Variants in CHEK2 observed in about 807,000 individuals in gnomAD.
CHEK2 encodes serine/threonine-protein kinase Chk2.
A neutral mutation model predicts 69.1 loss-of-function variants in CHEK2; 71 were observed. The ratio of observed to expected loss-of-function variants is 1.03; its 90% CI spans 0.85 to 1.25. The LOEUF (loss-of-function observed/expected upper bound fraction) is 1.25, where lower values mean the gene tolerates loss of function less well. Ranked by LOEUF, CHEK2 falls within the 50% of genes most tolerant of loss-of-function variation. The pLI is 0.00. For missense variants in CHEK2, 664 were observed against 649.6 expected (o/e 1.02, Z -0.24); for synonymous variants, 189 against 226.9 (o/e 0.83, Z 1.50).
intron 4 of CHEK2, among the ~76,000 whole-genome samples, chr22:28,721,336 G>C (rs1285072241): frequency 7.7e-6 from 1 of 130,356 alleles, no homozygotes; most frequent in Non-Finnish European, 1.5e-5. Context: ...CCCCAGGCTA[G>C]AGTGCAATGG....
At chr22:28,703,630 C>T in intron 7 of CHEK2, 64 bp from the exon 8 acceptor site, 1 of 1,002,120 alleles carries the variant, frequency 1.0e-6, no homozygotes, top group Non-Finnish European at 1.6e-6. Context: ...ACCACAAGAG[C>T]TTAGAACATC....
intron 1 of CHEK2, among the ~76,000 whole-genome samples, chr22:28,736,350 C>T (rs17878936): frequency 0.041 from 6,272 of 152,266 alleles, 151 homozygotes; most frequent in Middle Eastern, 0.065. Flanking sequence ...TAAAATGTCA[C>T]TGGTACCCCT....
chr22:28,727,111 G>C (rs965082136), intron 2 of CHEK2, among the ~76,000 whole-genome samples: 1 of 151,992 alleles, frequency 6.6e-6, no homozygotes, highest in Non-Finnish European at 1.5e-5. Flanking sequence ...GCGCGATCTC[G>C]GCTCACTGCA....
intron 7 of CHEK2, among the ~76,000 whole-genome samples, chr22:28,705,359 G>A (rs1471874295): frequency 1.3e-4 from 19 of 151,850 alleles, no homozygotes; most frequent in East Asian, 3.9e-4. Context: ...TTACAGGTGT[G>A]AGCCACTGCA....
At chr22:28,739,901 T>C (rs5762766) in intron 1 of CHEK2, among the ~76,000 whole-genome samples, 35,989 of 152,044 alleles carry the variant, frequency 0.24, 4,627 homozygotes, top group East Asian at 0.48. Flanking sequence ...GATGTTTGTC[T>C]AATTAATAAA....
intron 13 of CHEK2, among the ~76,000 whole-genome samples, chr22:28,690,191 T>A (rs1477291152): frequency 6.6e-6 from 1 of 152,178 alleles, no homozygotes; most frequent in Non-Finnish European, 1.5e-5. Context: ...TTGATGGATA[T>A]GGAAATTTTA....
chr22:28,738,118 G>A (rs935217724), intron 1 of CHEK2: 12 of 152,288 alleles, frequency 7.9e-5, no homozygotes, highest in African/African-American at 2.4e-4. Flanking sequence ...GAGGTGGGAG[G>A]ATCACTTGAG....
chr22:28,695,926 A>T, intron 10 of CHEK2, 53 bp from the exon 11 acceptor site: 1 of 1,437,196 alleles, frequency 7.0e-7, no homozygotes, highest in Non-Finnish European at 9.8e-7. Context: ...AAATAAAAAG[A>T]TTAACATAGT....
chr22:28,708,269 T>C (rs1042213965), intron 7 of CHEK2, among the ~76,000 whole-genome samples: 1 of 150,178 alleles, frequency 6.7e-6, no homozygotes, highest in Admixed American at 6.7e-5. Context: ...GAGGCAGGAG[T>C]ATCGCTTGGT....
intron 13 of CHEK2, among the ~76,000 whole-genome samples, chr22:28,692,208 A>G (rs1054660700): frequency 6.6e-6 from 1 of 152,218 alleles, no homozygotes; most frequent in African/African-American, 2.4e-5. Context: ...TTTTTGTTAG[A>G]GATGAACACA....
intron 4 of CHEK2, among the ~76,000 whole-genome samples, chr22:28,723,883 AG>A (rs2053893524): frequency 6.6e-6 from 1 of 151,972 alleles, no homozygotes; most frequent in African/African-American, 2.4e-5. Context: ...TGGGAGGCAG[AG>A]GTTGCAGTGC....
chr22:28,719,754 CACA>C (rs562540397), intron 4 of CHEK2, among the ~76,000 whole-genome samples: 36 of 152,268 alleles, frequency 2.4e-4, no homozygotes, highest in African/African-American at 7.5e-4. Context: ...AAATCCGTAA[CACA>C]ACATTATTTA....
rs1555915284 is a variant in CHEK2, at chr22:28,699,823, G to C, written c.1008+15C>G. 10 of 1,564,392 alleles carry C rather than the reference G, an allele frequency of 6.4e-6. No homozygotes were observed. The highest frequency in any genetic ancestry group is 8.8e-6 in the Non-Finnish European group (10 of 1,134,706). On this transcript the variant is annotated intron_variant, in intron 9 of 14. Coordinates refer to ENST00000404276, the MANE Select transcript of CHEK2 (RefSeq NM_007194.4). ...AAGAAAGGCAGCTGTCAAAAGAATTGAGGGCTTCTTTTACCTGCACAGCCA... is the reference window on the plus strand; with the variant it reads ...AAGAAAGGCAGCTGTCAAAAGAATTCAGGGCTTCTTTTACCTGCACAGCCA...
At chr22:28,716,283 G>A (rs757552653) in intron 5 of CHEK2, among the ~76,000 whole-genome samples, 2 of 148,658 alleles carry the variant, frequency 1.3e-5, no homozygotes, top group African/African-American at 5.0e-5. Context: ...TACAACCTCC[G>A]CCTCCTGGGT....
At chr22:28,691,955 T>A (rs1303546720) in intron 13 of CHEK2, among the ~76,000 whole-genome samples, 4 of 152,204 alleles carry the variant, frequency 2.6e-5, no homozygotes, top group African/African-American at 9.7e-5. Flanking sequence ...CTAACAGATG[T>A]TTTAGATGGT....
intron 5 of CHEK2, among the ~76,000 whole-genome samples, chr22:28,716,433 G>A (rs1231694697): frequency 6.6e-6 from 1 of 151,916 alleles, no homozygotes; most frequent in African/African-American, 2.4e-5. Context: ...CCAACCTCAG[G>A]TGATCCACCC....
chr22:28,715,506 G>A (rs918480079), intron 5 of CHEK2, among the ~76,000 whole-genome samples: 1 of 151,560 alleles, frequency 6.6e-6, no homozygotes, highest in Non-Finnish European at 1.5e-5. Flanking sequence ...TGCAACCTCC[G>A]CCTCCTGGGT....
At chr22:28,689,322 C>T (rs1432636819) in intron 13 of CHEK2, 107 bp from the exon 14 acceptor site, 1 of 833,274 alleles carries the variant, frequency 1.2e-6, no homozygotes, top group Non-Finnish European at 2.0e-6. Flanking sequence ...AATGTCCGTC[C>T]AAGAATCATC....
chr22:28,709,083 T>C (rs2053289434), intron 7 of CHEK2: 1 of 208,722 alleles, frequency 4.8e-6, no homozygotes, highest in Non-Finnish European at 1.0e-5. Flanking sequence ...TGGGCACTTA[T>C]GAATTAAGGA....
Sources: allele counts gnomAD v4.1 joint callset (sites outside exome capture counted in the v4.1 genomes callset), GRCh38; gene constraint gnomAD v4.1.1; transcripts MANE v1.5; gene names NCBI Gene and HGNC (gene_info 2026-07-23, HGNC 2026-07-21).